POLA2: variants seen among roughly 807,000 people sequenced by gnomAD.
POLA2 encodes DNA polymerase alpha 2, accessory subunit.
Under a neutral mutation model 82.8 loss-of-function variants are expected in POLA2, and 47 were observed. That is an observed-to-expected ratio of 0.57 (90% CI 0.45 to 0.72). POLA2 has a LOEUF of 0.72. POLA2 is among the 30% of genes least tolerant of loss of function. The pLI is 0.00. For synonymous variants in POLA2, 287 were observed against 286.8 expected, an observed-to-expected ratio of 1.00 and a Z score of -0.01; for missense variants, 634 against 728.1, an observed-to-expected ratio of 0.87 and a Z score of 1.49.
chr11:65,285,109 A>G (rs527979600), intron 10 of POLA2, among the ~76,000 whole-genome samples: 2 of 152,116 alleles, frequency 1.3e-5, no homozygotes, highest in East Asian at 1.9e-4. Flanking sequence ...ATCTCTACAA[A>G]AAGTACAAAA....
intron 1 of POLA2, among the ~76,000 whole-genome samples, chr11:65,264,379 A>AT (rs959028407): frequency 1.3e-5 from 2 of 151,742 alleles, no homozygotes; most frequent in South Asian, 4.2e-4. Context: ...TACTTTTTGT[A>AT]TTTTCAGTAG....
intron 8 of POLA2, 51 bp downstream of exon 8, chr11:65,281,198 A>G: frequency 2.5e-6 from 4 of 1,586,386 alleles, no homozygotes; most frequent in Non-Finnish European, 3.4e-6. Flanking sequence ...TTACCCCTGT[A>G]GTGTAGGTGC....
chr11:65,266,605 G>A lies in POLA2; in HGVS notation c.103G>A (p.Gly35Arg), dbSNP rs1257631555. 2 of 1,613,932 alleles carry A rather than the reference G, an allele frequency of 1.2e-6. No homozygotes were observed. Among genetic ancestry groups the A allele is most frequent in the African/African-American group, 1.3e-5 (1 of 74,926 alleles). Residue 35 changes from glycine to arginine, a missense_variant, in exon 2 of 18, where the codon GGA becomes AGA. Transcript: ENST00000265465. Reference sequence around the variant, plus strand: ...AGTGGTAGAGCTTTGTGTTCAGTATGGACAGAATGAGGAGGGAATGGTAGG... The same window carrying A: ...AGTGGTAGAGCTTTGTGTTCAGTATAGACAGAATGAGGAGGGAATGGTAGG... ...EKLVELCVQY[G>R]QNEEGMVGEL...
intron 7 of POLA2, chr11:65,279,919 C>A: frequency 1.9e-5 from 6 of 317,062 alleles, no homozygotes; most frequent in Non-Finnish European, 2.9e-5. Context: ...GGATTTCCCA[C>A]AAATAGAAGC....
intron 17 of POLA2, among the ~76,000 whole-genome samples, chr11:65,296,857 G>A (rs1227754255): frequency 6.6e-6 from 1 of 151,244 alleles, no homozygotes; most frequent in South Asian, 2.1e-4. Flanking sequence ...CCTGAGGCAG[G>A]AGAATCGCTG....
At chr11:65,296,199 T>C (rs374078798) in intron 17 of POLA2, 4 of 541,974 alleles carry the variant, frequency 7.4e-6, no homozygotes, top group East Asian at 6.3e-5. Context: ...CAGTGTCCTC[T>C]CCTCCCTCCC....
At chr11:65,267,760 C>T (rs1336930754) in intron 3 of POLA2, among the ~76,000 whole-genome samples, 192 bp downstream of exon 3, 1 of 151,942 alleles carries the variant, frequency 6.6e-6, no homozygotes, top group Non-Finnish European at 1.5e-5. Context: ...ACCTGGGCAA[C>T]ATGGTGAAAC....
rs764564595 is a variant in POLA2, at chr11:65,262,367, G to A, written c.75G>A (p.Glu25=). Residue 25 remains glutamate, a synonymous_variant, in exon 1 of 18, where the codon GAG becomes GAA. Transcript: ENST00000265465. Reference sequence around the variant, plus strand: ...TAGACTGCGAGGAGGCTCTAATTGAGAAATGTGAGTCCCGCACCCCTCCCG... The same window carrying A: ...TAGACTGCGAGGAGGCTCTAATTGAAAAATGTGAGTCCCGCACCCCTCCCG... ...FGLDCEEALI[E]KLVELCVQYG... 17 of 1,612,496 alleles carry A rather than the reference G, an allele frequency of 1.1e-5. No individual in the cohort carries two copies. Among genetic ancestry groups the A allele is most frequent in the Non-Finnish European group, 1.4e-5 (17 of 1,179,036 alleles).
Position 65,295,781 on chromosome 11 carries a change from G to A in POLA2, c.1521-83G>A, listed in dbSNP as rs1420253362. The A allele has an allele frequency of 1.8e-5, 27 of 1,531,496 alleles. No individual in the cohort carries two copies. The Admixed American group carries it at 2.1e-4, about 12-fold the overall frequency. 94.9% of individuals were successfully genotyped at this position (1,531,496 alleles called of 1,614,324 possible). A position where few individuals can be genotyped will look rare whatever the true frequency, so the allele number is the denominator to read the frequency against. On this transcript the variant is annotated intron_variant, in intron 16 of 17. Coordinates refer to ENST00000265465, the MANE Select transcript of POLA2 (RefSeq NM_002689.4). ...GTCGGTCTGTGGATGCCAGCAGCAC[G>A]AAAGCCAGTACCTAGGGGGACTCTG...
intron 4 of POLA2, among the ~76,000 whole-genome samples, chr11:65,271,087 T>G (rs956054559): frequency 1.3e-5 from 2 of 152,226 alleles, no homozygotes; most frequent in African/African-American, 4.8e-5. Context: ...TTTTCTTGCT[T>G]TATTTTTCTC....
chr11:65,299,411 G>C (rs1380643732), downstream of POLA2, among the ~76,000 whole-genome samples: 1 of 152,190 alleles, frequency 6.6e-6, no homozygotes, highest in Non-Finnish European at 1.5e-5. Flanking sequence ...TCCAGTCTCT[G>C]AGAGGGAGAG....
intron 10 of POLA2, among the ~76,000 whole-genome samples, chr11:65,283,486 T>C (rs1462852620): frequency 6.6e-6 from 1 of 152,138 alleles, no homozygotes; most frequent in African/African-American, 2.4e-5. Context: ...CTTTTTTTTT[T>C]TGAGATGGAG....
chr11:65,290,177 G>A (rs1331909178), intron 13 of POLA2, among the ~76,000 whole-genome samples: 1 of 151,366 alleles, frequency 6.6e-6, no homozygotes, highest in Non-Finnish European at 1.5e-5. Flanking sequence ...GAACCTGGGA[G>A]GCAGAGGTTG....
At chr11:65,268,534 G>T in intron 3 of POLA2, 138 bp from the exon 4 acceptor site, 2 of 563,192 alleles carry the variant, frequency 3.6e-6, no homozygotes, top group Non-Finnish European at 6.3e-6. Context: ...AGTAGAGACG[G>T]GGTTTCACTG....
At chr11:65,299,309 G>T (rs888864058), downstream of POLA2, among the ~76,000 whole-genome samples, 1 of 152,216 alleles carries the variant, frequency 6.6e-6, no homozygotes, top group Admixed American at 6.5e-5. Context: ...CTCTTGCCAG[G>T]ATTTGCCTCC....
chr11:65,295,429 T>G, intron 15 of POLA2, 111 bp from the exon 16 acceptor site: 1 of 904,478 alleles, frequency 1.1e-6, no homozygotes. Context: ...CTCTTGTTGC[T>G]GTGCCTTGGC....
chr11:65,305,969 T>C (rs542257626), downstream of POLA2, among the ~76,000 whole-genome samples: 3 of 151,994 alleles, frequency 2.0e-5, no homozygotes, highest in African/African-American at 7.3e-5. Context: ...CTCCAAAATA[T>C]AACGTTAACT....
At chr11:65,281,933 T>G (rs529192201) in intron 9 of POLA2, among the ~76,000 whole-genome samples, 2 of 152,354 alleles carry the variant, frequency 1.3e-5, no homozygotes, top group South Asian at 4.1e-4. Flanking sequence ...TTTTAGACTT[T>G]GTAGCTATAT....
intron 1 of POLA2, chr11:65,266,355 T>C (rs571456296): frequency 2.0e-6 from 1 of 510,640 alleles, no homozygotes; most frequent in South Asian, 2.3e-5. Context: ...TTTCCATGAT[T>C]CTTTAATTGG....
Sources: allele counts gnomAD v4.1 joint callset (sites outside exome capture counted in the v4.1 genomes callset), GRCh38; gene constraint gnomAD v4.1.1; transcripts MANE v1.5; gene names NCBI Gene and HGNC (gene_info 2026-07-23, HGNC 2026-07-21).